Variants in FOXP1 observed in about 807,000 individuals in gnomAD.
FOXP1 encodes the protein forkhead box protein P1.
FOXP1 carries 15 observed loss-of-function variants against 98.2 expected under a neutral mutation model. The observed-to-expected ratio is 0.15, with a 90% confidence interval of 0.10 to 0.24. The LOEUF (loss-of-function observed/expected upper bound fraction) is 0.24. Among genes scored for constraint, FOXP1 ranks in the 10% least tolerant of loss-of-function variants. FOXP1 has a pLI of 1.00. For synonymous variants in FOXP1, 371 were observed against 314.5 expected, an observed-to-expected ratio of 1.18 and a Z score of -1.90; for missense variants, 633 against 848.5, an observed-to-expected ratio of 0.75 and a Z score of 3.15.
intron 3 of FOXP1, among the ~76,000 whole-genome samples, chr3:71,397,501 C>A (rs1035393731): frequency 6.6e-6 from 1 of 152,206 alleles, no homozygotes; most frequent in Non-Finnish European, 1.5e-5. Context: ...CCAGGCAATG[C>A]GACGGGCCTT....
intron 7 of FOXP1, among the ~76,000 whole-genome samples, chr3:71,061,748 C>T (rs750217995): frequency 6.6e-6 from 1 of 152,172 alleles, no homozygotes; most frequent in African/African-American, 2.4e-5. Context: ...TTACCAAGAA[C>T]ATGGTTTTCA....
chr3:71,333,471 C>G (rs1451265773), intron 4 of FOXP1: 1 of 152,100 alleles, frequency 6.6e-6, no homozygotes, highest in East Asian at 1.9e-4. Context: ...TTGTCTGTAA[C>G]CTATTACTTC....
chr3:71,275,798 C>T (rs1259796157), intron 5 of FOXP1, among the ~76,000 whole-genome samples: 1 of 152,138 alleles, frequency 6.6e-6, no homozygotes, highest in Non-Finnish European at 1.5e-5. Context: ...CTGGAGGTTA[C>T]GGGAGTGGTT....
intron 4 of FOXP1, chr3:71,332,307 G>A (rs979249177): frequency 5.1e-5 from 8 of 155,566 alleles, no homozygotes; most frequent in South Asian, 2.0e-4. Flanking sequence ...GCAGCTTCAC[G>A]CCTGAGCCAG....
chr3:71,536,849 G>C (rs1433620005), intron 2 of FOXP1, among the ~76,000 whole-genome samples: 1 of 152,154 alleles, frequency 6.6e-6, no homozygotes, highest in Non-Finnish European at 1.5e-5. Flanking sequence ...TGTGGTGGGA[G>C]AAGACACCCT....
intron 7 of FOXP1, among the ~76,000 whole-genome samples, chr3:71,069,855 A>G (rs539597802): frequency 6.6e-5 from 10 of 152,308 alleles, no homozygotes; most frequent in African/African-American, 2.4e-4. Flanking sequence ...AAGGCAACTG[A>G]CCACCTTTAT....
rs185763889 is a variant in FOXP1, at chr3:71,150,825, C to A, written c.181-38188G>T. On this transcript the variant is annotated intron_variant, in intron 6 of 20. Transcript: ENST00000649528. ...GTTCAACGTTAAGTATGTGGCATGG[C>A]GGTGTTTTGTTGTCTACCCCGTTAC... is the stretch of plus-strand genomic sequence containing the variant. 1.6e-4 allele frequency among the ~76,000 whole-genome samples: 25 copies of A among 152,142 alleles called. No individual in the cohort carries two copies. The East Asian group carries it at 4.7e-3, about 29-fold the overall frequency.
intron 4 of FOXP1, among the ~76,000 whole-genome samples, chr3:71,325,321 G>A (rs889337435): frequency 6.6e-6 from 1 of 152,166 alleles, no homozygotes; most frequent in African/African-American, 2.4e-5. Flanking sequence ...CCAAAGTGCT[G>A]GGATTACAGG....
intron 13 of FOXP1, among the ~76,000 whole-genome samples, chr3:70,994,770 C>T (rs2041129237): frequency 6.6e-6 from 1 of 152,194 alleles, no homozygotes; most frequent in Non-Finnish European, 1.5e-5. Context: ...TGGTTGATTC[C>T]TTTTTCCCTT....
chr3:71,141,340 C>T (rs1204242680), intron 6 of FOXP1, among the ~76,000 whole-genome samples: 1 of 151,858 alleles, frequency 6.6e-6, no homozygotes, highest in Non-Finnish European at 1.5e-5. Flanking sequence ...TCATCACACG[C>T]CTCCTTTCCA....
At chr3:71,182,391 C>T (rs2062364763) in intron 6 of FOXP1, among the ~76,000 whole-genome samples, 1 of 151,826 alleles carries the variant, frequency 6.6e-6, no homozygotes, top group Non-Finnish European at 1.5e-5. Context: ...CAAGAGTTTT[C>T]CAACAGTGTG....
chr3:71,560,452 A>G (rs2046451085), intron 2 of FOXP1, among the ~76,000 whole-genome samples: 1 of 152,196 alleles, frequency 6.6e-6, no homozygotes, highest in Admixed American at 6.5e-5. Context: ...TATACTGCTC[A>G]TGGGAATATA....
intron 6 of FOXP1, among the ~76,000 whole-genome samples, chr3:71,113,442 T>C (rs1055337605): frequency 6.6e-6 from 1 of 152,082 alleles, no homozygotes; most frequent in Admixed American, 6.6e-5. Context: ...TTTTAAAAGT[T>C]CAAGCAGGCT....
At chr3:71,002,009 T>TAAC (rs796598578) in intron 12 of FOXP1, among the ~76,000 whole-genome samples, 10 of 152,252 alleles carry the variant, frequency 6.6e-5, no homozygotes, top group Non-Finnish European at 8.8e-5. Context: ...AATACTTCAA[T>TAAC]AACAACAACA....
intron 5 of FOXP1, among the ~76,000 whole-genome samples, chr3:71,267,180 AC>A (rs1393532443): frequency 6.6e-6 from 1 of 151,352 alleles, no homozygotes; most frequent in African/African-American, 2.4e-5. Context: ...TTTGAGTTAA[AC>A]ATTGAGAATA....
chr3:71,140,762 G>A (rs2060028855), intron 6 of FOXP1, among the ~76,000 whole-genome samples: 1 of 152,060 alleles, frequency 6.6e-6, no homozygotes, highest in African/African-American at 2.4e-5. Flanking sequence ...GAAAATCAGA[G>A]AGAGGAACTT....
intron 3 of FOXP1, among the ~76,000 whole-genome samples, chr3:71,491,529 T>A (rs964868806): frequency 6.6e-6 from 1 of 152,214 alleles, no homozygotes; most frequent in African/African-American, 2.4e-5. Flanking sequence ...ATTGTGGACA[T>A]CCTTGCCCGT....
chr3:71,404,858 C>T (rs867425108), intron 3 of FOXP1, among the ~76,000 whole-genome samples: 5 of 152,252 alleles, frequency 3.3e-5, no homozygotes, highest in Middle Eastern at 6.8e-3. Flanking sequence ...TTAGACTAAA[C>T]GGCAGACAGA....
intron 3 of FOXP1, among the ~76,000 whole-genome samples, chr3:71,478,180 T>C (rs1008080630): frequency 2.0e-5 from 3 of 152,194 alleles, no homozygotes; most frequent in African/African-American, 7.2e-5. Flanking sequence ...AATTAAAATA[T>C]GTTAAAATAC....
Sources: allele counts gnomAD v4.1 joint callset (sites outside exome capture counted in the v4.1 genomes callset), GRCh38; gene constraint gnomAD v4.1.1; transcripts MANE v1.5; gene names NCBI Gene and HGNC (gene_info 2026-07-23, HGNC 2026-07-21).